Variants in IL21R observed in about 807,000 individuals in gnomAD.
IL21R encodes the protein interleukin-21 receptor.
A neutral mutation model predicts 41.3 loss-of-function variants in IL21R; 14 were observed. That is an observed-to-expected ratio of 0.34 (90% CI 0.22 to 0.53). IL21R has a LOEUF of 0.53. Ranked by LOEUF, IL21R falls within the 20% of genes least tolerant of loss-of-function variation. IL21R has a pLI of 0.94. For synonymous variants in IL21R, 286 were observed against 287.6 expected, an observed-to-expected ratio of 0.99 and a Z score of 0.05; for missense variants, 588 against 681.6, an observed-to-expected ratio of 0.86 and a Z score of 1.53.
intron 8 of IL21R, 75 bp from the exon 9 acceptor site, chr16:27,448,459 A>G: frequency 6.9e-7 from 1 of 1,451,562 alleles, no homozygotes; most frequent in Non-Finnish European, 9.2e-7. Context: ...TCTCAAAAGA[A>G]TAAAAGTAAA....
At chr16:27,428,602 A>C (rs2087116436) in intron 1 of IL21R, among the ~76,000 whole-genome samples, 1 of 152,264 alleles carries the variant, frequency 6.6e-6, no homozygotes, top group Non-Finnish European at 1.5e-5. Context: ...AAACAGACAC[A>C]GAGCTGGTGG....
chr16:27,427,691 C>T (rs1251269495), intron 1 of IL21R, among the ~76,000 whole-genome samples: 2 of 152,140 alleles, frequency 1.3e-5, no homozygotes, highest in Non-Finnish European at 2.9e-5. Flanking sequence ...ATAAAACCAT[C>T]AGGGAGTGAC....
intron 1 of IL21R, among the ~76,000 whole-genome samples, chr16:27,418,481 GTC>G (rs1385630087): frequency 6.6e-6 from 1 of 152,124 alleles, no homozygotes; most frequent in Non-Finnish European, 1.5e-5. Flanking sequence ...CAATTCTCCT[GTC>G]TCAGCCTCCA....
chr16:27,440,996 A>G lies in IL21R; in HGVS notation c.353-1966A>G, dbSNP rs576672917. Reference sequence around the variant, plus strand: ...GGCTTGGGAGGTGGAGACTGCAGTGAGCTGAGATCACGCCACTGCACTCCA... The same window carrying G: ...GGCTTGGGAGGTGGAGACTGCAGTGGGCTGAGATCACGCCACTGCACTCCA... On this transcript the variant is annotated intron_variant, in intron 4 of 8. Transcript: ENST00000337929. 2.1e-5 allele frequency among the ~76,000 whole-genome samples: 3 copies of G among 143,046 alleles called. No individual in the cohort carries two copies. In the South Asian group the frequency reaches 6.9e-4, roughly 33 times the overall value. 93.8% of individuals were successfully genotyped at this position (143,046 alleles called of 152,430 possible).
At chr16:27,418,493 A>G (rs1192283073) in intron 1 of IL21R, among the ~76,000 whole-genome samples, 14 of 151,880 alleles carry the variant, frequency 9.2e-5, no homozygotes. Context: ...CTCAGCCTCC[A>G]GAGTAGCTGG....
chr16:27,427,815 G>A (rs1222837955), intron 1 of IL21R, among the ~76,000 whole-genome samples: 1 of 152,140 alleles, frequency 6.6e-6, no homozygotes, highest in Non-Finnish European at 1.5e-5. Flanking sequence ...CATCTTCAAA[G>A]TGTGATAACA....
intron 8 of IL21R, 32 bp downstream of exon 8, chr16:27,446,120 G>A: frequency 6.3e-7 from 1 of 1,583,280 alleles, no homozygotes; most frequent in Non-Finnish European, 8.7e-7. Flanking sequence ...GAGCTCCTCG[G>A]AGCCCCTCCT....
At chr16:27,403,289 C>G (rs2086689404) in intron 1 of IL21R, 4 of 1,293,374 alleles carry the variant, frequency 3.1e-6, no homozygotes, top group Non-Finnish European at 4.0e-6. Flanking sequence ...GGAGGCTGAG[C>G]CTTGAAGGAT....
rs138131886 is a variant in IL21R at position 27,447,071 on chromosome 16, GTGGA to G, written c.867+986_867+989del. Among the ~76,000 whole-genome samples, 404 of 152,324 alleles carry G rather than the reference GTGGA, an allele frequency of 2.7e-3. 1 individual carries two copies. The highest frequency in any genetic ancestry group is 8.9e-3 in the African/African-American group (372 of 41,578). ...TCATATTCACAGCAGCCCCTGCAGA[GTGGA>G]TGTTCCACTGCCCCCAGGGCACCCA... On this transcript the variant is annotated intron_variant, in intron 8 of 8. Coordinates refer to ENST00000337929, the MANE Select transcript of IL21R (RefSeq NM_181078.3).
chr16:27,439,525 C>T (rs1418876401), intron 4 of IL21R, among the ~76,000 whole-genome samples: 2 of 151,436 alleles, frequency 1.3e-5, no homozygotes, highest in African/African-American at 2.4e-5. Context: ...CACGTGTGCA[C>T]ACACGCACAT....
At chr16:27,435,397 G>A (rs187451779) in intron 3 of IL21R, among the ~76,000 whole-genome samples, 3 of 152,262 alleles carry the variant, frequency 2.0e-5, no homozygotes, top group Non-Finnish European at 4.4e-5. Context: ...GGCTGGGGGA[G>A]ACAGACACAC....
intron 1 of IL21R, among the ~76,000 whole-genome samples, chr16:27,420,826 T>A (rs1299091689): frequency 6.6e-6 from 1 of 152,242 alleles, no homozygotes; most frequent in Non-Finnish European, 1.5e-5. Flanking sequence ...GTTTAATAGA[T>A]CTATTTTTTC....
At chr16:27,407,780 G>A (rs548402553) in intron 1 of IL21R, among the ~76,000 whole-genome samples, 3 of 152,304 alleles carry the variant, frequency 2.0e-5, no homozygotes, top group South Asian at 4.1e-4. Context: ...AGCCAAGATC[G>A]TGCCACTGCA....
At chr16:27,402,852 C>T (rs572850696) in intron 1 of IL21R, among the ~76,000 whole-genome samples, 5 of 152,262 alleles carry the variant, frequency 3.3e-5, no homozygotes, top group South Asian at 4.1e-4. Flanking sequence ...GTGGCTGAGA[C>T]GACCCTCTAT....
chr16:27,437,298 G>C (rs1465602184), intron 3 of IL21R, among the ~76,000 whole-genome samples, 190 bp from the exon 4 acceptor site: 1 of 152,148 alleles, frequency 6.6e-6, no homozygotes, highest in Non-Finnish European at 1.5e-5. Context: ...AATTCATTGA[G>C]GATGCTGTAG....
chr16:27,405,087 C>T (rs1033051934), intron 1 of IL21R, among the ~76,000 whole-genome samples: 33 of 151,250 alleles, frequency 2.2e-4, no homozygotes, highest in Middle Eastern at 3.4e-3. Flanking sequence ...GGCTGGAGTG[C>T]GGTGGCGCAA....
At chr16:27,433,167 A>G (rs1301631603) in intron 2 of IL21R, among the ~76,000 whole-genome samples, 4 of 152,154 alleles carry the variant, frequency 2.6e-5, no homozygotes, top group Non-Finnish European at 5.9e-5. Context: ...AAATGAACCT[A>G]CTTAAAAAGG....
chr16:27,426,861 A>G (rs540690633), intron 1 of IL21R, among the ~76,000 whole-genome samples: 1 of 152,292 alleles, frequency 6.6e-6, no homozygotes, highest in African/African-American at 2.4e-5. Flanking sequence ...AAGTGACAGA[A>G]ATAGAATTCA....
chr16:27,437,736 A>C, intron 4 of IL21R, 49 bp downstream of exon 4: 153 of 1,506,606 alleles, frequency 1.0e-4, no homozygotes, highest in Non-Finnish European at 1.3e-4. Context: ...ATCTTAGCTC[A>C]CCGCAGCCCT....
Sources: allele counts gnomAD v4.1 joint callset (sites outside exome capture counted in the v4.1 genomes callset), GRCh38; gene constraint gnomAD v4.1.1; transcripts MANE v1.5; gene names NCBI Gene and HGNC (gene_info 2026-07-23, HGNC 2026-07-21).